The following CNTNAP2 variants were observed in gnomAD, a reference collection of about 807,000 sequenced individuals.
CNTNAP2 encodes the protein contactin associated protein 2, also known as contactin-associated protein-like 2.
Under a neutral mutation model 155.2 loss-of-function variants are expected in CNTNAP2, and 98 were observed. The observed-to-expected ratio is 0.63, with a 90% CI of 0.54 to 0.75. The LOEUF is 0.75. CNTNAP2 is among the 30% of genes least tolerant of loss of function. The probability of loss-of-function intolerance (pLI) is 0.00; values close to 1 mark genes in which losing one functional copy is unlikely to be tolerated. For synonymous variants in CNTNAP2, 651 were observed against 631.2 expected (o/e 1.03, Z -0.47); for missense variants, 1,727 against 1,688.1 (o/e 1.02, Z -0.40).
At chr7:148,110,337 G>A (rs891366884) in intron 15 of CNTNAP2, among the ~76,000 whole-genome samples, 4 of 151,954 alleles carry the variant, frequency 2.6e-5, no homozygotes, top group Non-Finnish European at 4.4e-5. Context: ...GAACCTGGAG[G>A]TCGGCTTCCT....
intron 13 of CNTNAP2, among the ~76,000 whole-genome samples, chr7:147,893,346 A>T (rs1799723922): frequency 6.6e-6 from 1 of 152,224 alleles, no homozygotes; most frequent in Non-Finnish European, 1.5e-5. Flanking sequence ...AGAAAAAAAT[A>T]ATTGGGAATT....
intron 1 of CNTNAP2, among the ~76,000 whole-genome samples, chr7:146,376,478 A>T (rs1481689591): frequency 6.6e-6 from 1 of 152,170 alleles, no homozygotes; most frequent in East Asian, 1.9e-4. Flanking sequence ...TTACACCATA[A>T]GGGTTTTCAG....
intron 1 of CNTNAP2, among the ~76,000 whole-genome samples, chr7:146,744,364 C>T (rs75682339): frequency 0.015 from 2,338 of 151,180 alleles, 62 homozygotes; most frequent in African/African-American, 0.055. Flanking sequence ...GCCTTATTTA[C>T]TGGGATGATT....
intron 21 of CNTNAP2, among the ~76,000 whole-genome samples, chr7:148,362,198 T>TAA (rs759733791): frequency 1.8e-5 from 1 of 56,696 alleles, no homozygotes; most frequent in Non-Finnish European, 4.7e-5. Flanking sequence ...AGACTCCATC[T>TAA]AAAAAAAAAA....
intron 1 of CNTNAP2, among the ~76,000 whole-genome samples, chr7:146,189,803 A>T (rs1798676020): frequency 6.6e-6 from 1 of 152,178 alleles, no homozygotes; most frequent in Non-Finnish European, 1.5e-5. Flanking sequence ...TTGCTCATTT[A>T]ATGTAATCAT....
intron 2 of CNTNAP2, among the ~76,000 whole-genome samples, chr7:146,826,907 A>G (rs1803415955): frequency 6.6e-6 from 1 of 151,406 alleles, no homozygotes; most frequent in Admixed American, 6.6e-5. Context: ...TGCATAAAAT[A>G]AATTAAGCCA....
chr7:146,261,100 A>G (rs964122979), intron 1 of CNTNAP2, among the ~76,000 whole-genome samples: 29 of 152,192 alleles, frequency 1.9e-4, no homozygotes, highest in African/African-American at 6.7e-4. Flanking sequence ...TCCTGCCACC[A>G]TGTCAGACGT....
chr7:146,766,414 A>G (rs576850061), intron 1 of CNTNAP2, among the ~76,000 whole-genome samples: 1 of 152,268 alleles, frequency 6.6e-6, no homozygotes, highest in African/African-American at 2.4e-5. Flanking sequence ...CTTAGAATCA[A>G]AATGAGAGGT....
At chr7:147,427,922 A>G (rs1451586972) in intron 10 of CNTNAP2, among the ~76,000 whole-genome samples, 1 of 152,196 alleles carries the variant, frequency 6.6e-6, no homozygotes, top group Non-Finnish European at 1.5e-5. Flanking sequence ...ATCTTAGAAA[A>G]GAATGCTAAA....
At chr7:147,412,297 A>T (rs1346259547) in intron 10 of CNTNAP2, among the ~76,000 whole-genome samples, 12 of 152,240 alleles carry the variant, frequency 7.9e-5, no homozygotes, top group Non-Finnish European at 1.3e-4. Context: ...TCAGTGCCTC[A>T]GATGTTCTTT....
intron 15 of CNTNAP2, among the ~76,000 whole-genome samples, chr7:147,982,531 G>T (rs757613540): frequency 1.3e-5 from 2 of 152,182 alleles, no homozygotes; most frequent in Non-Finnish European, 2.9e-5. Context: ...GACACATCTA[G>T]TTCTGGAACA....
At chr7:147,514,069 A>G (rs1336124074) in intron 11 of CNTNAP2, among the ~76,000 whole-genome samples, 2 of 152,198 alleles carry the variant, frequency 1.3e-5, no homozygotes, top group African/African-American at 4.8e-5. Context: ...CCCCTCTGTA[A>G]GAAAAATAAC....
At chr7:146,292,527 A>C (rs1221502286) in intron 1 of CNTNAP2, among the ~76,000 whole-genome samples, 1 of 152,184 alleles carries the variant, frequency 6.6e-6, no homozygotes, top group East Asian at 1.9e-4. Context: ...CACACTGTTG[A>C]TGGGAATGTA....
intron 8 of CNTNAP2, among the ~76,000 whole-genome samples, chr7:147,276,017 T>C (rs966813417): frequency 2.0e-5 from 3 of 152,028 alleles, no homozygotes; most frequent in Admixed American, 2.0e-4. Flanking sequence ...ACCCCCTTGA[T>C]TGTGATGGAT....
At chr7:148,352,170 G>A (rs954089451) in intron 21 of CNTNAP2, among the ~76,000 whole-genome samples, 1 of 152,234 alleles carries the variant, frequency 6.6e-6, no homozygotes, top group Non-Finnish European at 1.5e-5. Context: ...AGGGTTTTAA[G>A]TAGTGAAGTG....
chr7:148,374,177 C>T (rs1379118886), intron 21 of CNTNAP2, among the ~76,000 whole-genome samples: 3 of 151,986 alleles, frequency 2.0e-5, no homozygotes, highest in Admixed American at 6.6e-5. Context: ...TGCATTCATG[C>T]GATCTTAGTC....
At chr7:148,140,302 A>G (rs1805035071) in intron 16 of CNTNAP2, among the ~76,000 whole-genome samples, 1 of 152,188 alleles carries the variant, frequency 6.6e-6, no homozygotes. Context: ...TTGATTGCCC[A>G]CATGGCTGAC....
chr7:146,898,508 TAA>T (rs202048889), intron 3 of CNTNAP2, among the ~76,000 whole-genome samples: 4 of 145,104 alleles, frequency 2.8e-5, no homozygotes, highest in South Asian at 2.2e-4. Context: ...ATAATAATAA[TAA>T]AAAAAAAAAC....
At chr7:146,637,259 G>C (rs1051529318) in intron 1 of CNTNAP2, among the ~76,000 whole-genome samples, 7 of 152,062 alleles carry the variant, frequency 4.6e-5, no homozygotes, top group African/African-American at 9.7e-5. Flanking sequence ...AAACACAAAG[G>C]CATAGTTTTT....
Sources: gnomAD v4.1 joint callset for allele counts (sites outside exome capture counted in the v4.1 genomes callset) on GRCh38, gnomAD v4.1.1 for gene constraint, MANE v1.5 for transcripts, NCBI Gene and HGNC (gene_info 2026-07-23, HGNC 2026-07-21) for gene names.